The following THSD7B variants were observed in gnomAD, a reference collection of about 807,000 sequenced individuals.
THSD7B encodes the protein thrombospondin type 1 domain containing 7B.
In THSD7B, 138 loss-of-function variants were observed where a neutral mutation model predicts 213.6. The ratio of observed to expected loss-of-function variants is 0.65; its 90% CI spans 0.56 to 0.74. The LOEUF (loss-of-function observed/expected upper bound fraction) is 0.74, where lower values mean the gene tolerates loss of function less well. Among genes scored for constraint, THSD7B ranks in the 30% least tolerant of loss-of-function variants. The probability of loss-of-function intolerance (pLI) is 0.00; values close to 1 mark genes in which losing one functional copy is unlikely to be tolerated. For missense variants in THSD7B, 1,931 were observed against 1,991.5 expected (o/e 0.97, Z 0.58); for synonymous variants, 742 against 687.0 (o/e 1.08, Z -1.25).
intron 15 of THSD7B, among the ~76,000 whole-genome samples, chr2:137,478,388 A>G (rs568758164): frequency 5.3e-4 from 80 of 152,220 alleles, no homozygotes; most frequent in African/African-American, 1.9e-3. Context: ...TCATTTCATT[A>G]ACTGAATTCT....
At chr2:137,608,050 C>G (rs1262864928) in intron 17 of THSD7B, among the ~76,000 whole-genome samples, 1 of 152,140 alleles carries the variant, frequency 6.6e-6, no homozygotes, top group Non-Finnish European at 1.5e-5. Flanking sequence ...TTGTCAGTCC[C>G]GTTAATACTA....
chr2:137,561,230 C>T (rs538553543), intron 15 of THSD7B, among the ~76,000 whole-genome samples: 2 of 152,102 alleles, frequency 1.3e-5, no homozygotes, highest in South Asian at 4.1e-4. Context: ...AACCAATATA[C>T]AATCAGGTGG....
chr2:136,980,525 C>A (rs188778249), intron 2 of THSD7B, among the ~76,000 whole-genome samples: 3 of 152,152 alleles, frequency 2.0e-5, no homozygotes, highest in Non-Finnish European at 4.4e-5. Flanking sequence ...AGCCCGGCCA[C>A]GATCTGTCAC....
intron 2 of THSD7B, among the ~76,000 whole-genome samples, chr2:137,025,434 A>G (rs1686532421): frequency 6.6e-6 from 1 of 152,028 alleles, no homozygotes; most frequent in Non-Finnish European, 1.5e-5. Context: ...TTTTCTTCCT[A>G]TTCACTGTTT....
At chr2:137,124,784 G>A (rs1426842657) in intron 5 of THSD7B, among the ~76,000 whole-genome samples, 1 of 152,092 alleles carries the variant, frequency 6.6e-6, no homozygotes, top group African/African-American at 2.4e-5. Context: ...ATGTTTTGAT[G>A]TAGGCATGTA....
chr2:137,216,057 A>T (rs1359351852), intron 7 of THSD7B, among the ~76,000 whole-genome samples: 1 of 152,188 alleles, frequency 6.6e-6, no homozygotes, highest in African/African-American at 2.4e-5. Flanking sequence ...GAGGGGGAAA[A>T]TAAATTAGAA....
At chr2:137,676,476 A>G (rs1226220937) in intron 27 of THSD7B, 48 bp from the exon 28 acceptor site, 1 of 1,492,840 alleles carries the variant, frequency 6.7e-7, no homozygotes, top group South Asian at 1.3e-5. Flanking sequence ...CAGATGAAAC[A>G]GAGCTCTATG....
At chr2:137,620,551 A>C in intron 19 of THSD7B, 58 bp from the exon 20 acceptor site, 2 of 1,335,252 alleles carry the variant, frequency 1.5e-6, no homozygotes, top group Admixed American at 3.4e-5. Flanking sequence ...ATGAAAGGAC[A>C]GTGATTTGAC....
intron 7 of THSD7B, among the ~76,000 whole-genome samples, chr2:137,179,475 A>T (rs971548726): frequency 6.6e-6 from 1 of 152,066 alleles, no homozygotes; most frequent in African/African-American, 2.4e-5. Context: ...AGAGTAATTT[A>T]TACTGGTGGT....
At chr2:137,575,188 A>C (rs1309426788) in intron 17 of THSD7B, among the ~76,000 whole-genome samples, 1 of 152,036 alleles carries the variant, frequency 6.6e-6, no homozygotes, top group Non-Finnish European at 1.5e-5. Flanking sequence ...TTTTTTTCAG[A>C]TTGTTTAAAA....
At chr2:137,198,212 A>G (rs1304891609) in intron 7 of THSD7B, among the ~76,000 whole-genome samples, 3 of 152,126 alleles carry the variant, frequency 2.0e-5, no homozygotes, top group African/African-American at 7.2e-5. Context: ...TGAGACTGGC[A>G]TTTCTCTTGT....
chr2:137,022,039 G>T (rs950569967), intron 2 of THSD7B, among the ~76,000 whole-genome samples: 1 of 152,070 alleles, frequency 6.6e-6, no homozygotes, highest in Non-Finnish European at 1.5e-5. Flanking sequence ...CTTTTTAATT[G>T]CTGAGCAATT....
At chr2:136,901,526 T>C (rs191049358) in intron 2 of THSD7B, among the ~76,000 whole-genome samples, 118 of 152,350 alleles carry the variant, frequency 7.7e-4, no homozygotes, top group African/African-American at 2.6e-3. Flanking sequence ...GCTAATGAGA[T>C]GAATGGAAAT....
At chr2:137,369,880 T>A (rs1435461327) in intron 12 of THSD7B, among the ~76,000 whole-genome samples, 1 of 152,186 alleles carries the variant, frequency 6.6e-6, no homozygotes, top group Non-Finnish European at 1.5e-5. Flanking sequence ...CTTGTATTTT[T>A]ACTTTGCAAT....
At chr2:137,157,088 G>A (rs1427638162) in intron 5 of THSD7B, among the ~76,000 whole-genome samples, 1 of 152,226 alleles carries the variant, frequency 6.6e-6, no homozygotes, top group African/African-American at 2.4e-5. Flanking sequence ...TGTAGCTTAA[G>A]CACCTAACAC....
chr2:136,886,048 A>G (rs894181523), intron 2 of THSD7B, among the ~76,000 whole-genome samples: 2 of 152,154 alleles, frequency 1.3e-5, no homozygotes, highest in Admixed American at 1.3e-4. Context: ...AACAAGAAGG[A>G]CAAAGGACCT....
At chr2:137,406,709 G>A (rs1479706002) in intron 13 of THSD7B, among the ~76,000 whole-genome samples, 1 of 152,182 alleles carries the variant, frequency 6.6e-6, no homozygotes, top group East Asian at 1.9e-4. Flanking sequence ...ATCTGCTAGA[G>A]GCTTTAACAG....
chr2:136,981,007 G>A (rs1015030411), intron 2 of THSD7B, among the ~76,000 whole-genome samples: 2 of 152,042 alleles, frequency 1.3e-5, no homozygotes, highest in African/African-American at 2.4e-5. Flanking sequence ...GGATTCACTC[G>A]CTGTATTCAT....
Position 137,517,390 on chromosome 2 carries a change from A to G in THSD7B, c.3139-45831A>G, listed in dbSNP as rs186820827. Among the ~76,000 whole-genome samples, 285 of 152,354 alleles carry G rather than the reference A, an allele frequency of 1.9e-3. 1 individual carries two copies. The highest frequency in any genetic ancestry group is 6.8e-3 in the Middle Eastern group (2 of 294). On this transcript the variant is annotated intron_variant, in intron 15 of 27. Coordinates refer to ENST00000409968, the MANE Select transcript of THSD7B (RefSeq NM_001316349.2). ...ATTTGCATGCCAGAGGATGGGAAAT[A>G]AATCTGACTAAAATTCAGGGGCCTT...
Sources: allele counts gnomAD v4.1 joint callset (sites outside exome capture counted in the v4.1 genomes callset), GRCh38; gene constraint gnomAD v4.1.1; transcripts MANE v1.5; gene names NCBI Gene and HGNC (gene_info 2026-07-23, HGNC 2026-07-21).